Variants in OSBPL9 observed in about 807,000 individuals in gnomAD.
OSBPL9 encodes oxysterol-binding protein-related protein 9.
In OSBPL9, 40 loss-of-function variants were observed where a neutral mutation model predicts 106.6. The observed-to-expected ratio is 0.38, with a 90% CI of 0.29 to 0.49. OSBPL9 has a LOEUF of 0.49. Ranked by LOEUF, OSBPL9 falls within the 20% of genes least tolerant of loss-of-function variation. The pLI, the probability that OSBPL9 is intolerant of heterozygous loss-of-function variation, is 0.97. For missense variants in OSBPL9, 609 were observed against 887.2 expected, an observed-to-expected ratio of 0.69 and a Z score of 3.98; for synonymous variants, 269 against 295.4, an observed-to-expected ratio of 0.91 and a Z score of 0.92.
chr1:51,708,183 G>A (rs1659011167), intron 3 of OSBPL9: 1 of 159,418 alleles, frequency 6.3e-6, no homozygotes, highest in Non-Finnish European at 1.4e-5. Context: ...GCATGAGAAG[G>A]GGCGGCTGTC....
chr1:51,756,919 A>T (rs1015930048), intron 9 of OSBPL9: 1 of 151,988 alleles, frequency 6.6e-6, no homozygotes, highest in Non-Finnish European at 1.5e-5. Flanking sequence ...TTTCCTTTAT[A>T]TTCAACTTCC....
intron 3 of OSBPL9, among the ~76,000 whole-genome samples, chr1:51,700,589 T>C (rs141355489): frequency 1.3e-5 from 2 of 152,336 alleles, no homozygotes; most frequent in African/African-American, 2.4e-5. Flanking sequence ...ATTGCAATTA[T>C]GTATTTTTGG....
At chr1:51,552,057 A>AGT in the OSBPL9 span, among the ~76,000 whole-genome samples, 1 of 151,614 alleles carries the variant, frequency 6.6e-6, no homozygotes, top group African/African-American at 2.4e-5. Flanking sequence ...TTGAATGCCT[A>AGT]CTGCCTTGCT....
intron 2 of OSBPL9, among the ~76,000 whole-genome samples, chr1:51,598,637 T>C (rs898079980): frequency 2.6e-5 from 4 of 152,156 alleles, no homozygotes; most frequent in South Asian, 2.1e-4. Flanking sequence ...CACACACATA[T>C]GCTAATTCGA....
intron 3 of OSBPL9, among the ~76,000 whole-genome samples, chr1:51,677,343 A>C (rs544608627): frequency 6.6e-6 from 1 of 152,344 alleles, no homozygotes; most frequent in African/African-American, 2.4e-5. Context: ...CAATTTGTAG[A>C]TAAAGAGAAG....
rs866785183 is a variant in OSBPL9, at chr1:51,743,618, C to T, written c.319-1918C>T. Among the ~76,000 whole-genome samples the T allele has an allele frequency of 3.3e-5, 5 of 152,076 alleles. No individual in the cohort carries two copies. The South Asian group carries it at 8.3e-4, about 25-fold the overall frequency. On this transcript the variant is annotated intron_variant, in intron 4 of 23. Coordinates refer to ENST00000428468, the MANE Select transcript of OSBPL9 (RefSeq NM_024586.6). The stretch of plus-strand genomic sequence containing the variant: ...ATTCATTTATGAATATGCCATTAAC[C>T]TTTTAAAATATTTACTAAAAACAAT...
At chr1:51,648,571 A>G (rs774066674) in intron 1 of OSBPL9, among the ~76,000 whole-genome samples, 1 of 152,130 alleles carries the variant, frequency 6.6e-6, no homozygotes, top group Non-Finnish European at 1.5e-5. Context: ...CAGCTTCCCT[A>G]TAGCCCCGCA....
chr1:51,761,158 T>C (rs535245229), intron 10 of OSBPL9, among the ~76,000 whole-genome samples: 1 of 152,230 alleles, frequency 6.6e-6, no homozygotes, highest in Non-Finnish European at 1.5e-5. Flanking sequence ...CTCTGAACAA[T>C]ACAAATGGTA....
chr1:51,721,219 T>A (rs1662072193), intron 4 of OSBPL9, among the ~76,000 whole-genome samples: 1 of 151,794 alleles, frequency 6.6e-6, no homozygotes, highest in Admixed American at 6.6e-5. Context: ...TATACAAGGT[T>A]ATAAGAGTAT....
At position 51,760,230 on chromosome 1, in the gene OSBPL9, G is replaced by C. The variant is rs374212718; in HGVS notation, c.583-460G>C. 72 of 156,426 alleles carry C rather than the reference G, an allele frequency of 4.6e-4. 3 individuals carry two copies. The South Asian group carries it at 0.011, about 25-fold the overall frequency. The allele number at this position is 156,426 out of a possible 1,614,324, so 9.7% of individuals were successfully genotyped here. ...TTGGAACCAGTCCCCCTGGATACCT[G>C]AGGAGTGACTGTACTGTGTGATAGC... On this transcript the variant is annotated intron_variant, in intron 9 of 23. Transcript: ENST00000428468.
intron 7 of OSBPL9, among the ~76,000 whole-genome samples, chr1:51,748,974 A>G (rs538662145): frequency 4.5e-4 from 68 of 152,020 alleles, no homozygotes; most frequent in Middle Eastern, 3.4e-3. Flanking sequence ...AATCCTAGCT[A>G]CTCTGGAGGC....
At chr1:51,548,504 C>T in the OSBPL9 span, among the ~76,000 whole-genome samples, 1 of 152,084 alleles carries the variant, frequency 6.6e-6, no homozygotes, top group South Asian at 2.1e-4. Context: ...TCAAGCGATC[C>T]TCTAACCTCA....
At chr1:51,624,580 G>A (rs1297477635) in intron 1 of OSBPL9, among the ~76,000 whole-genome samples, 2 of 151,680 alleles carry the variant, frequency 1.3e-5, no homozygotes, top group Non-Finnish European at 2.9e-5. Context: ...GTGAGACTCT[G>A]TCTCAAAAAA....
At chr1:51,538,988 T>C in the OSBPL9 span, among the ~76,000 whole-genome samples, 1 of 152,216 alleles carries the variant, frequency 6.6e-6, no homozygotes, top group Non-Finnish European at 1.5e-5. Context: ...CTCTGGACTC[T>C]TCTTGGCTCT....
upstream of OSBPL9, among the ~76,000 whole-genome samples, chr1:51,613,740 CT>C (rs1213011994): frequency 2.3e-3 from 327 of 142,684 alleles, no homozygotes; most frequent in Non-Finnish European, 2.5e-3. Context: ...TCTTTCTTTT[CT>C]TTTTTTTTTT....
intron 9 of OSBPL9, among the ~76,000 whole-genome samples, chr1:51,757,429 G>A (rs1180286502): frequency 6.6e-6 from 1 of 151,854 alleles, no homozygotes; most frequent in Non-Finnish European, 1.5e-5. Flanking sequence ...TGTATGTATT[G>A]TCTAGCATTT....
the OSBPL9 span, among the ~76,000 whole-genome samples, chr1:51,572,130 G>C: frequency 6.6e-6 from 1 of 152,106 alleles, no homozygotes; most frequent in Non-Finnish European, 1.5e-5. Context: ...TAAAATTTAA[G>C]ATTCTCAAGC....
the OSBPL9 span, among the ~76,000 whole-genome samples, chr1:51,534,454 C>T: frequency 6.6e-6 from 1 of 152,168 alleles, no homozygotes; most frequent in African/African-American, 2.4e-5. Context: ...TCAACTTCAT[C>T]CCCTGATGTT....
chr1:51,678,517 C>T lies in OSBPL9; in HGVS notation c.241+9005C>T, dbSNP rs138446154. On this transcript the variant is annotated intron_variant, in intron 3 of 23. Coordinates refer to ENST00000428468, the MANE Select transcript of OSBPL9 (RefSeq NM_024586.6). ...CTCTACTAAAAATGCAAAAATAGGC[C>T]GGGCATGGTGACGCATGCCTGTAAT... Among the ~76,000 whole-genome samples, 602 of 152,020 alleles carry T rather than the reference C, an allele frequency of 4.0e-3. 7 individuals are homozygous for T. The South Asian group carries it at 0.047, about 12-fold the overall frequency.
Sources: allele counts gnomAD v4.1 joint callset (sites outside exome capture counted in the v4.1 genomes callset), GRCh38; gene constraint gnomAD v4.1.1; transcripts MANE v1.5; gene names NCBI Gene and HGNC (gene_info 2026-07-23, HGNC 2026-07-21).